The following C1orf159 variants were observed in gnomAD, a reference collection of about 807,000 sequenced individuals.
C1orf159 encodes the protein uncharacterized protein C1orf159.
C1orf159 carries 19 observed loss-of-function variants against 25.6 expected under a neutral mutation model. The observed-to-expected ratio is 0.74, with a 90% CI of 0.52 to 1.09. C1orf159 has a LOEUF of 1.09. Among genes scored for constraint, C1orf159 ranks in the 50% least tolerant of loss-of-function variants. The pLI, the probability that C1orf159 is intolerant of heterozygous loss-of-function variation, is 0.00. For synonymous variants in C1orf159, 139 were observed against 124.7 expected (o/e 1.12, Z -0.77); for missense variants, 274 against 290.6 (o/e 0.94, Z 0.42).
chr1:1,100,159 A>G (rs913122681), intron 1 of C1orf159, among the ~76,000 whole-genome samples: 4 of 152,324 alleles, frequency 2.6e-5, no homozygotes, highest in African/African-American at 9.6e-5. Flanking sequence ...TTTTGTAGAC[A>G]GCATGTAGTA....
At chr1:1,090,583 TG>T in intron 3 of C1orf159, 155 bp from the exon 4 acceptor site, 1 of 807,516 alleles carries the variant, frequency 1.2e-6, no homozygotes, top group Admixed American at 2.2e-5. Context: ...CTGTCCCCTG[TG>T]GGCCTGGGAG....
At position 1,090,338 on chromosome 1, in the gene C1orf159, GA is replaced by G. The variant is rs774604062; in HGVS notation, c.148+14del. On this transcript the variant is annotated intron_variant, in intron 4 of 9. Transcript: ENST00000421241. Reference sequence around the variant, plus strand: ...AGGGGCCGGTCTGGAATCTGCTTGGGACAAAGCGGCTTACCTGGACCACACA... The same window carrying G: ...AGGGGCCGGTCTGGAATCTGCTTGGGCAAAGCGGCTTACCTGGACCACACA... 3.8e-5 allele frequency: 59 copies of G among 1,550,358 alleles called. No individual in the cohort carries two copies. Among genetic ancestry groups the G allele is most frequent in the Non-Finnish European group, 4.8e-5 (55 of 1,146,908 alleles).
In C1orf159 at chr1:1,110,194, T is replaced by C. The variant is rs923710775; in HGVS notation, c.-136+5866A>G. ...CTTTAACACTAATGTTGGTCAGTTG[T>C]GTCTAAACTGAAAAAGGGTGGCAGT... On this transcript the variant is annotated intron_variant, in intron 1 of 9. Transcript: ENST00000421241. The surrounding 1 kb of genome is among the most constrained non-coding windows in gnomAD (Gnocchi z 4.8). Among the ~76,000 whole-genome samples, 3 of 152,208 alleles carry C rather than the reference T, an allele frequency of 2.0e-5. No homozygotes were observed. Among genetic ancestry groups the C allele is most frequent in the African/African-American group, 4.8e-5 (2 of 41,454 alleles).
At chr1:1,094,859 A>G (rs190422944) in intron 1 of C1orf159, among the ~76,000 whole-genome samples, 11 of 152,332 alleles carry the variant, frequency 7.2e-5, no homozygotes, top group African/African-American at 2.6e-4. Context: ...ACTAAGATTT[A>G]CTGCTTTCTT....
intron 1 of C1orf159, among the ~76,000 whole-genome samples, chr1:1,107,041 G>A (rs971483780): frequency 7.3e-5 from 11 of 150,900 alleles, no homozygotes; most frequent in African/African-American, 2.2e-4. Flanking sequence ...GAGGCCCCCC[G>A]CACCCCCGCC....
chr1:1,087,751 C>A lies in C1orf159; in HGVS notation c.149-154G>T, dbSNP rs1645854840. ...AGGTGGGCGGCAGACAAGGACACCC[C>A]CAGGGAGCATGGCGGGGCCGTGAGC... On this transcript the variant is annotated intron_variant, in intron 4 of 9. Coordinates refer to ENST00000421241, the MANE Select transcript of C1orf159 (RefSeq NM_017891.5). This position sits in a 1 kb window ranked among gnomAD's most constrained non-coding sequence, Gnocchi z 8.3. 1.6e-6 allele frequency: 1 copy of A among 638,948 alleles called. No individual in the cohort carries two copies. The highest frequency in any genetic ancestry group is 2.7e-6 in the Non-Finnish European group (1 of 366,394). 39.6% of individuals were successfully genotyped at this position (638,948 alleles called of 1,614,324 possible).
At position 1,098,387 on chromosome 1, in the gene C1orf159, C is replaced by T. The variant is rs1210435556; in HGVS notation, c.-135-6284G>A. On this transcript the variant is annotated intron_variant, in intron 1 of 9. Coordinates refer to ENST00000421241, the MANE Select transcript of C1orf159 (RefSeq NM_017891.5). ...CCTGGCCCCAGCCTGGAAATATTTT[C>T]TAATTTCCCATTTGAGTTCTTCTTT... Among the ~76,000 whole-genome samples, 4 of 152,262 alleles carry T rather than the reference C, an allele frequency of 2.6e-5. No individual in the cohort carries two copies. The East Asian group carries it at 7.7e-4, about 29-fold the overall frequency.
At position 1,082,820 on chromosome 1, in the gene C1orf159, G is replaced by T; in HGVS notation, c.*73C>A. The T allele has an allele frequency of 7.3e-7, 1 of 1,360,794 alleles. No individual in the cohort carries two copies. The highest frequency in any genetic ancestry group is 1.0e-6 in the Non-Finnish European group (1 of 974,530). 84.3% of individuals were successfully genotyped at this position (1,360,794 alleles called of 1,614,324 possible). A position where few individuals can be genotyped will look rare whatever the true frequency, so the allele number is the denominator to read the frequency against. On this transcript the variant is annotated 3_prime_UTR_variant, in exon 10 of 10. Coordinates refer to ENST00000421241, the MANE Select transcript of C1orf159 (RefSeq NM_017891.5). ...GGGCGCCGGGCGATGCCAACACTTTGTGCTGGTTCCCGCCAAGGGGTCGGC... is the reference window on the plus strand; with the variant it reads ...GGGCGCCGGGCGATGCCAACACTTTTTGCTGGTTCCCGCCAAGGGGTCGGC...
In C1orf159 at chr1:1,087,602, G is replaced by A. The variant is rs557748779; in HGVS notation, c.149-5C>T. The A allele has an allele frequency of 1.4e-3, 2,208 of 1,542,162 alleles. 3 individuals carry two copies. Among genetic ancestry groups the A allele is most frequent in the Non-Finnish European group, 1.8e-3 (2,018 of 1,144,314 alleles). ...CGTTCCAGCGCCTGTAACAGCCTGC[G>A]TGGGGCAGAGGACGGGCATGTCAGC... On this transcript the variant is annotated splice_region_variant and splice_polypyrimidine_tract_variant and intron_variant, in intron 4 of 9. Transcript: ENST00000421241. This position sits in a 1 kb window ranked among gnomAD's most constrained non-coding sequence, Gnocchi z 8.3.
rs1331876395 is a variant in C1orf159, at chr1:1,087,794, C to T, written c.149-197G>A. 6.6e-6 allele frequency among the ~76,000 whole-genome samples: 1 copy of T among 151,890 alleles called. No individual in the cohort carries two copies. The highest frequency in any genetic ancestry group is 2.4e-5 in the African/African-American group (1 of 41,302). Reference sequence around the variant, plus strand: ...CCGTGAGCACCCCACGCTGAGTACTCCACACTGCGCACCCTGACCCTGAGT... The same window carrying T: ...CCGTGAGCACCCCACGCTGAGTACTTCACACTGCGCACCCTGACCCTGAGT... On this transcript the variant is annotated intron_variant, in intron 4 of 9. Transcript: ENST00000421241. This position sits in a 1 kb window ranked among gnomAD's most constrained non-coding sequence, Gnocchi z 8.3.
intron 3 of C1orf159, chr1:1,090,881 G>T (rs956408845): frequency 6.5e-7 from 1 of 1,549,902 alleles, no homozygotes; most frequent in Non-Finnish European, 8.7e-7. Flanking sequence ...CTTACGGTGT[G>T]TGTGAGGGCC....
At chr1:1,111,976 T>C (rs1646262699) in intron 1 of C1orf159, among the ~76,000 whole-genome samples, 2 of 152,162 alleles carry the variant, frequency 1.3e-5, no homozygotes, top group Admixed American at 1.3e-4. Context: ...CATCCCCCTT[T>C]GTTGACATGC....
chr1:1,103,383 G>A (rs1233029478), intron 1 of C1orf159, among the ~76,000 whole-genome samples: 1 of 152,194 alleles, frequency 6.6e-6, no homozygotes, highest in Non-Finnish European at 1.5e-5. Context: ...CATATGTTGA[G>A]TGATTTTGAA....
In C1orf159 at chr1:1,090,312, CA is replaced by C. The variant is rs1487225076; in HGVS notation, c.148+40del. 6 of 1,544,676 alleles carry C rather than the reference CA, an allele frequency of 3.9e-6. No individual in the cohort carries two copies. In the South Asian group the frequency reaches 7.1e-5, roughly 18 times the overall value. On this transcript the variant is annotated intron_variant, in intron 4 of 9. Transcript: ENST00000421241. Reference sequence around the variant, plus strand: ...CCTGGGCACACACACACCAGTGGCTCAGGGGCCGGTCTGGAATCTGCTTGGG... The same window carrying C: ...CCTGGGCACACACACACCAGTGGCTCGGGGCCGGTCTGGAATCTGCTTGGG...
rs775435100 is a variant in C1orf159 at position 1,084,269 on chromosome 1, C to A, written c.502+84G>T. On this transcript the variant is annotated intron_variant, in intron 9 of 9. Coordinates refer to ENST00000421241, the MANE Select transcript of C1orf159 (RefSeq NM_017891.5). ...GGCCGAGATCCAGAGCCAGGCAAAC[C>A]CGTTTGGGGACAAACCCACAGAGCA... 2.6e-6 allele frequency: 4 copies of A among 1,519,408 alleles called. No individual in the cohort carries two copies. In the South Asian group the frequency reaches 5.3e-5, roughly 20 times the overall value. 94.1% of individuals were successfully genotyped at this position (1,519,408 alleles called of 1,614,324 possible).
At chr1:1,102,845 AAG>A (rs1316058457) in intron 1 of C1orf159, among the ~76,000 whole-genome samples, 1 of 151,310 alleles carries the variant, frequency 6.6e-6, no homozygotes, top group African/African-American at 2.4e-5. Flanking sequence ...TTTTTGAGAC[AAG>A]AGTTTCACTC....
chr1:1,090,930 G>A (rs183697514), intron 3 of C1orf159: 8 of 1,550,396 alleles, frequency 5.2e-6, no homozygotes, highest in Non-Finnish European at 7.0e-6. Context: ...GGCCTGGGGG[G>A]CTCAGGGTAC....
intron 1 of C1orf159, among the ~76,000 whole-genome samples, chr1:1,112,749 G>C (rs1024536993): frequency 2.0e-5 from 3 of 152,256 alleles, no homozygotes; most frequent in South Asian, 2.1e-4. Flanking sequence ...AGGGGTGCAA[G>C]ACCCCAGAAG....
At position 1,090,386 on chromosome 1, in the gene C1orf159, C is replaced by T. The variant is rs202040915; in HGVS notation, c.115G>A (p.Ala39Thr). The T allele has an allele frequency of 1.1e-4, 173 of 1,550,140 alleles. No individual in the cohort carries two copies. Among genetic ancestry groups the T allele is most frequent in the East Asian group, 4.4e-4 (18 of 40,858 alleles). ...CACAGACTTGCGCCTGGGCAGCTGG[C>T]GTTGACGCCCACCACATCCACACAG... ...ECCVDVVGVN[A>T]SCPGASLCGP... The change falls in exon 4 of 10, where the codon GCC becomes ACC. Residue 39 changes from alanine (A) to threonine (T), a missense_variant. Transcript: ENST00000421241.
Sources: allele counts gnomAD v4.1 joint callset (sites outside exome capture counted in the v4.1 genomes callset), GRCh38; gene constraint gnomAD v4.1.1; non-coding constraint Gnocchi (gnomAD v3.1); transcripts MANE v1.5; gene names NCBI Gene and HGNC (gene_info 2026-07-23, HGNC 2026-07-21).